ADAM22: variants seen among roughly 807,000 people sequenced by gnomAD.
ADAM22 encodes the protein ADAM metallopeptidase domain 22.
ADAM22 carries 65 observed loss-of-function variants against 144.6 expected under a neutral mutation model. The observed-to-expected ratio is 0.45, with a 90% CI of 0.37 to 0.55. The LOEUF is 0.55. Ranked by LOEUF, ADAM22 falls within the 20% of genes least tolerant of loss-of-function variation. The pLI, the probability that ADAM22 is intolerant of heterozygous loss-of-function variation, is 0.00. For missense variants in ADAM22, 974 were observed against 1,184.9 expected (o/e 0.82, Z 2.61); for synonymous variants, 391 against 412.6 (o/e 0.95, Z 0.63).
At chr7:88,060,673 A>G (rs901086487) in intron 3 of ADAM22, among the ~76,000 whole-genome samples, 1 of 151,356 alleles carries the variant, frequency 6.6e-6, no homozygotes, top group Admixed American at 6.6e-5. Context: ...AGGCTGAGGC[A>G]GGAGAATGGC....
At position 88,171,868 on chromosome 7, in the gene ADAM22, C is replaced by T. The variant is rs866339962; in HGVS notation, c.2300+307C>T. The stretch of plus-strand genomic sequence containing the variant: ...GATTTTTTCCATCTAAAACAAACTT[C>T]CTCTATGTTAAGGTGTCCCATTTGT... On this transcript the variant is annotated intron_variant, in intron 26 of 31. Coordinates refer to ENST00000413139, the MANE Select transcript of ADAM22 (RefSeq NM_001324418.2). Among the ~76,000 whole-genome samples, 70 of 151,742 alleles carry T rather than the reference C, an allele frequency of 4.6e-4. 2 individuals are homozygous for T. The Middle Eastern group carries it at 0.021, about 45-fold the overall frequency.
At position 88,169,589 on chromosome 7, in the gene ADAM22, A is replaced by G. The variant is rs76728352; in HGVS notation, c.2282+1362A>G. Reference sequence around the variant, plus strand: ...TTGGCTTAAGACCATGTTAGGTGATAATAATAAGTTCATAGCAGATGCTTA... The same window carrying G: ...TTGGCTTAAGACCATGTTAGGTGATGATAATAAGTTCATAGCAGATGCTTA... On this transcript the variant is annotated intron_variant, in intron 25 of 31. Transcript: ENST00000413139. 2.9e-3 allele frequency among the ~76,000 whole-genome samples: 440 copies of G among 152,222 alleles called. 1 individual carries two copies. Among genetic ancestry groups the G allele is most frequent in the Non-Finnish European group, 3.2e-3 (218 of 67,998 alleles).
intron 3 of ADAM22, among the ~76,000 whole-genome samples, chr7:88,020,988 A>G (rs1030839303): frequency 1.3e-5 from 2 of 152,186 alleles, no homozygotes; most frequent in African/African-American, 4.8e-5. Flanking sequence ...AGGAACCACA[A>G]TCTTCTTTGG....
chr7:88,146,018 A>G (rs1836287739), intron 17 of ADAM22, among the ~76,000 whole-genome samples: 1 of 152,222 alleles, frequency 6.6e-6, no homozygotes, highest in Non-Finnish European at 1.5e-5. Flanking sequence ...CTGCAAGTTT[A>G]GAATGCATCT....
At chr7:88,065,147 A>T (rs1033288572) in intron 3 of ADAM22, among the ~76,000 whole-genome samples, 2 of 152,164 alleles carry the variant, frequency 1.3e-5, no homozygotes. Context: ...GCCACCACTC[A>T]AAGGTGAAAT....
rs71120012 is a variant in ADAM22 at position 87,966,721 on chromosome 7, G to GTTTTTTTTTTTTTTTTTTTTTTT, written c.247-11606_247-11584dup. Among the ~76,000 whole-genome samples the GTTTTTTTTTTTTTTTTTTTTTTT allele has an allele frequency of 1.8e-4, 7 of 39,886 alleles. 1 individual carries two copies. The highest frequency in any genetic ancestry group is 5.7e-4 in the African/African-American group (5 of 8,722). The allele number at this position is 39,886 out of a possible 152,430, so 26.2% of individuals were successfully genotyped here. Reference sequence around the variant, plus strand: ...GAGTTCATCTTATCCAAGGAAAGCCGTTTTTTTTTTTTTTTTTTTTTTTTT... The same window carrying GTTTTTTTTTTTTTTTTTTTTTTT: ...GAGTTCATCTTATCCAAGGAAAGCCGTTTTTTTTTTTTTTTTTTTTTTTTTTTTTTTTTTTTTTTTTTTTTTTT... On this transcript the variant is annotated intron_variant, in intron 2 of 31. Transcript: ENST00000413139.
In ADAM22 at chr7:88,145,150, A is replaced by G. The variant is rs1488651556; in HGVS notation, c.1346A>G (p.Asn449Ser). ...SKLLDPPECGNGFIETGEECD... is the reference protein window; with the variant it reads ...SKLLDPPECGSGFIETGEECD... ...CTTCTTGATCCTCCTGAGTGTGGCA[A>G]TGGCTTCATTGAAACTGGAGAGGAG... is the stretch of plus-strand genomic sequence containing the variant. Residue 449 changes from asparagine (N) to serine (S), a missense_variant, in exon 16 of 32, where the codon AAT (asparagine) becomes AGT (serine). Asn to Ser is a conservative substitution (Grantham distance 46, BLOSUM62 1). This residue lies in a region of ADAM22 where 734 missense variants were observed against 950.6 expected (regional missense o/e 0.77). Coordinates refer to ENST00000413139, the MANE Select transcript of ADAM22 (RefSeq NM_001324418.2). 2 of 1,613,542 alleles carry G rather than the reference A, an allele frequency of 1.2e-6. No individual in the cohort carries two copies. The highest frequency in any genetic ancestry group is 1.3e-5 in the African/African-American group (1 of 74,818).
intron 20 of ADAM22, among the ~76,000 whole-genome samples, chr7:88,152,672 C>A (rs1458704836): frequency 6.6e-6 from 1 of 151,832 alleles, no homozygotes; most frequent in Admixed American, 6.6e-5. Context: ...TGGCCAAATT[C>A]TTTTGTTGTT....
chr7:87,998,701 A>G (rs1215139531), intron 3 of ADAM22, among the ~76,000 whole-genome samples: 1 of 152,060 alleles, frequency 6.6e-6, no homozygotes, highest in East Asian at 1.9e-4. Context: ...GAGTCTCCCT[A>G]TTTTAAAGTC....
chr7:88,084,646 A>G (rs1817918029), intron 4 of ADAM22, among the ~76,000 whole-genome samples: 1 of 152,136 alleles, frequency 6.6e-6, no homozygotes, highest in Non-Finnish European at 1.5e-5. Context: ...ATAGAAGTCT[A>G]TTTTCTTTAT....
At chr7:88,042,264 G>C (rs959463292) in intron 3 of ADAM22, among the ~76,000 whole-genome samples, 7 of 152,010 alleles carry the variant, frequency 4.6e-5, no homozygotes. Flanking sequence ...ATTTTGCAGA[G>C]GGTTTGAAAA....
intron 3 of ADAM22, among the ~76,000 whole-genome samples, chr7:88,026,270 T>G (rs1476040104): frequency 6.6e-6 from 1 of 152,180 alleles, no homozygotes; most frequent in Non-Finnish European, 1.5e-5. Context: ...GAACTTTTAC[T>G]CATGGCAGAA....
intron 3 of ADAM22, among the ~76,000 whole-genome samples, chr7:87,995,857 T>G (rs1791074977): frequency 6.6e-6 from 1 of 152,228 alleles, no homozygotes; most frequent in Non-Finnish European, 1.5e-5. Flanking sequence ...AATTAAAAAC[T>G]GTTCTCACTC....
At chr7:87,957,078 C>T (rs1241593840) in intron 2 of ADAM22, among the ~76,000 whole-genome samples, 1 of 152,176 alleles carries the variant, frequency 6.6e-6, no homozygotes, top group Non-Finnish European at 1.5e-5. Flanking sequence ...AAAAACTACC[C>T]TACAGGATTC....
At position 88,179,029 on chromosome 7, in the gene ADAM22, A is replaced by G; in HGVS notation, c.2395A>G (p.Ser799Gly). Residue 799 changes from serine (S) to glycine (G), a missense_variant, in exon 27 of 32, where the codon AGT (serine) becomes GGT (glycine). Physicochemically the swap from Ser to Gly is moderately conservative, Grantham distance 56. Around this residue, in one of 2 missense-constraint regions of ADAM22, gnomAD observed 734 missense variants for 950.6 expected, o/e 0.77. Transcript: ENST00000413139. ...PPGVSTNSAS[S>G]SKKRSAFLSH... ...CGGAGTCAGCACAAACTCAGCATCT[A>G]GTTCTAAGAAGAGGTCTGCTTTTCT... 6 of 1,613,164 alleles carry G rather than the reference A, an allele frequency of 3.7e-6. No individual in the cohort carries two copies. Among genetic ancestry groups the G allele is most frequent in the Non-Finnish European group, 4.2e-6 (5 of 1,179,258 alleles).
intron 11 of ADAM22, chr7:88,132,012 C>T: frequency 6.6e-6 from 1 of 151,992 alleles, no homozygotes; most frequent in South Asian, 2.1e-4. Context: ...AGAAAAGTTG[C>T]AAGAATACTA....
intron 3 of ADAM22, among the ~76,000 whole-genome samples, chr7:88,035,662 G>A (rs1238335172): frequency 6.6e-6 from 1 of 152,164 alleles, no homozygotes; most frequent in East Asian, 1.9e-4. Flanking sequence ...AATTTACGTA[G>A]CATTCATGTT....
intron 3 of ADAM22, among the ~76,000 whole-genome samples, chr7:87,999,003 C>G (rs1027119885): frequency 3.3e-5 from 5 of 152,170 alleles, no homozygotes; most frequent in Non-Finnish European, 7.3e-5. Context: ...TTTCTCAACT[C>G]CAAAACACAT....
Position 88,193,130 on chromosome 7 carries a change from C to T in ADAM22, c.2765C>T (p.Ala922Val), listed in dbSNP as rs1043386688. 1 of 1,614,060 alleles carries T rather than the reference C, an allele frequency of 6.2e-7. No individual in the cohort carries two copies. The highest frequency in any genetic ancestry group is 8.5e-7 in the Non-Finnish European group (1 of 1,179,952). The change falls in exon 31 of 32, where the codon GCC becomes GTC. Residue 922 changes from alanine (A) to valine (V), a missense_variant. Ala to Val is a moderately conservative substitution (Grantham distance 64, BLOSUM62 0). Coordinates refer to ENST00000413139, the MANE Select transcript of ADAM22 (RefSeq NM_001324418.2). ...CAACATCTCAGGACTTTATCTCCTG[C>T]CAAGTCTCCTTCTTCATCAACTGGG... ...EGPYFRTLSP[A>V]KSPSSSTGSI...
Sources: allele counts gnomAD v4.1 joint callset (sites outside exome capture counted in the v4.1 genomes callset), GRCh38; gene constraint gnomAD v4.1.1; regional missense constraint gnomAD v4.1.1; transcripts MANE v1.5; gene names NCBI Gene and HGNC (gene_info 2026-07-23, HGNC 2026-07-21).